GPR161: variants seen among roughly 807,000 people sequenced by gnomAD.
GPR161 encodes G protein-coupled receptor 161.
A neutral mutation model predicts 39.2 loss-of-function variants in GPR161; 25 were observed. That is an observed-to-expected ratio of 0.64 (90% CI 0.47 to 0.89). The LOEUF (loss-of-function observed/expected upper bound fraction) is 0.89. GPR161 is among the 40% of genes least tolerant of loss of function. The pLI is 0.00. For synonymous variants in GPR161, 286 were observed against 276.6 expected (o/e 1.03, Z -0.34); for missense variants, 547 against 677.8 (o/e 0.81, Z 2.14).
In GPR161 at chr1:168,084,640, A is replaced by C. The variant is rs1021336917; in HGVS notation, c.*891T>G. ...TTGGTCACTCAAACATCACACATAG[A>C]ATCTATTTAATGAGGCTTTCCCATG... is the stretch of plus-strand genomic sequence containing the variant. On this transcript the variant is annotated 3_prime_UTR_variant, in exon 6 of 6. Coordinates refer to ENST00000682931, the MANE Select transcript of GPR161 (RefSeq NM_001375883.1). The C allele has an allele frequency of 5.5e-6, 2 of 364,316 alleles. No individual in the cohort carries two copies. The highest frequency in any genetic ancestry group is 2.1e-5 in the African/African-American group (1 of 46,822). 22.6% of individuals were successfully genotyped at this position (364,316 alleles called of 1,614,324 possible). A position where few individuals can be genotyped will look rare whatever the true frequency, so the allele number is the denominator to read the frequency against.
intron 1 of GPR161, among the ~76,000 whole-genome samples, chr1:168,115,192 A>G (rs1697522331): frequency 6.6e-6 from 1 of 152,136 alleles, no homozygotes; most frequent in African/African-American, 2.4e-5. Flanking sequence ...ATGCTGATGA[A>G]AGGACTTAAG....
intron 5 of GPR161, 145 bp downstream of exon 5, chr1:168,087,440 A>ACAGGGCTGGGAGTGGTCTCAC: frequency 7.3e-6 from 7 of 953,786 alleles, no homozygotes; most frequent in Non-Finnish European, 1.1e-5. Flanking sequence ...GGTGAGACCA[A>ACAGGGCTGGGAGTGGTCTCAC]CAGGGCTGGG....
At chr1:168,134,156 AAC>A (rs773907666) in intron 1 of GPR161, among the ~76,000 whole-genome samples, 1 of 152,204 alleles carries the variant, frequency 6.6e-6, no homozygotes, top group Non-Finnish European at 1.5e-5. Context: ...TAGTGCTCTT[AAC>A]ACAGTGTTCT....
At chr1:168,095,537 G>A (rs537715266) in intron 3 of GPR161, among the ~76,000 whole-genome samples, 2 of 152,252 alleles carry the variant, frequency 1.3e-5, no homozygotes, top group South Asian at 4.1e-4. Context: ...AAAGGTGGTG[G>A]GATTGTGTCC....
chr1:168,137,189 C>T, upstream of GPR161: 1 of 1,417,244 alleles, frequency 7.1e-7, no homozygotes, highest in African/African-American at 1.4e-5. Context: ...CCACTTTTCT[C>T]CTGAAAACCT....
chr1:168,131,800 GATTT>G (rs1699010543), intron 1 of GPR161, among the ~76,000 whole-genome samples: 1 of 152,104 alleles, frequency 6.6e-6, no homozygotes, highest in Non-Finnish European at 1.5e-5. Flanking sequence ...AAAGATGTTT[GATTT>G]ATTAACAAGA....
rs112556108 is a variant in GPR161, at chr1:168,106,404, G to A, written c.-44-1510C>T. 8.9e-3 allele frequency among the ~76,000 whole-genome samples: 1,349 copies of A among 152,310 alleles called. 20 individuals are homozygous for A. Among genetic ancestry groups the A allele is most frequent in the African/African-American group, 0.031 (1,287 of 41,554 alleles). ...GAGTTTGAGAGCAAGCCCGGGCAACGTGGCGAAACTGTCTCTACAGAAAAA... is the reference window on the plus strand; with the variant it reads ...GAGTTTGAGAGCAAGCCCGGGCAACATGGCGAAACTGTCTCTACAGAAAAA... On this transcript the variant is annotated intron_variant, in intron 1 of 5. Transcript: ENST00000682931.
chr1:168,103,427 GAA>G (rs373919071), intron 2 of GPR161, among the ~76,000 whole-genome samples: 4 of 117,290 alleles, frequency 3.4e-5, no homozygotes, highest in Non-Finnish European at 5.6e-5. Flanking sequence ...ACTACTCAGG[GAA>G]AAAAAAAAAA....
At position 168,096,655 on chromosome 1, in the gene GPR161, C is replaced by G. The variant is rs1378791189; in HGVS notation, c.952G>C (p.Val318Leu). Residue 318 changes from valine (V) to leucine (L), a missense_variant, in exon 3 of 6, where the codon GTC (valine) becomes CTC (leucine). Transcript: ENST00000682931. ...AGTCCATAGATCAGGGGGTGGCAGACAGCGCTGGCAAAGGACAGCCATGTG... is the reference window on the plus strand; with the variant it reads ...AGTCCATAGATCAGGGGGTGGCAGAGAGCGCTGGCAAAGGACAGCCATGTG... ...WATWLSFASA[V>L]CHPLIYGLWN... The G allele has an allele frequency of 6.2e-7, 1 of 1,614,210 alleles. No homozygotes were observed. Among genetic ancestry groups the G allele is most frequent in the East Asian group, 2.2e-5 (1 of 44,882 alleles).
In GPR161 at chr1:168,087,699, CT is replaced by C; in HGVS notation, c.1209del (p.Asp404IlefsTer2). Reference protein sequence around the residue: ...TGFSCSQDSGTDMMLLEDYTS... With the variant: ...TGFSCSQDSGXDMMLLEDYTS... The stretch of plus-strand genomic sequence containing the variant: ...GTGTAGTCCTCAAGCAGCATCATAT[CT>C]GTCCCTAAAACAACGGGCAGATTGT... On this transcript the variant is annotated frameshift_variant, in exon 5 of 6. Coordinates refer to ENST00000682931, the MANE Select transcript of GPR161 (RefSeq NM_001375883.1). LOFTEE classifies it high-confidence loss of function. The C allele has an allele frequency of 1.9e-6, 3 of 1,611,034 alleles. No homozygotes were observed. Among genetic ancestry groups the C allele is most frequent in the Non-Finnish European group, 2.5e-6 (3 of 1,178,180 alleles).
intron 1 of GPR161, among the ~76,000 whole-genome samples, chr1:168,123,422 C>T (rs879885204): frequency 6.6e-6 from 1 of 152,218 alleles, no homozygotes; most frequent in East Asian, 1.9e-4. Context: ...TGTACCACTA[C>T]ACCCCAGCCT....
chr1:168,098,199 G>A lies in GPR161; in HGVS notation c.375-967C>T, dbSNP rs1695735277. Among the ~76,000 whole-genome samples, 1 of 152,216 alleles carries A rather than the reference G, an allele frequency of 6.6e-6. No homozygotes were observed. Among genetic ancestry groups the A allele is most frequent in the South Asian group, 2.1e-4 (1 of 4,830 alleles). On this transcript the variant is annotated intron_variant, in intron 2 of 5. Transcript: ENST00000682931. This position sits in a 1 kb window ranked among gnomAD's most constrained non-coding sequence, Gnocchi z 4.1. ...TGGCGAGGTATGGAGTTGTGAGTGA[G>A]CACCAGCTCAGCAGGGAGGCTGCAT...
chr1:168,094,805 A>G (rs1301706484), intron 3 of GPR161, among the ~76,000 whole-genome samples: 1 of 152,234 alleles, frequency 6.6e-6, no homozygotes, highest in African/African-American at 2.4e-5. Flanking sequence ...CTAAAAATCC[A>G]GCTACTTGAC....
chr1:168,107,246 C>G (rs1696696677), intron 1 of GPR161, among the ~76,000 whole-genome samples: 1 of 151,698 alleles, frequency 6.6e-6, no homozygotes, highest in Non-Finnish European at 1.5e-5. Context: ...AGATGAAAAC[C>G]CAGAATAAAA....
chr1:168,122,948 G>C (rs1389937544), intron 1 of GPR161, among the ~76,000 whole-genome samples: 1 of 152,210 alleles, frequency 6.6e-6, no homozygotes, highest in Non-Finnish European at 1.5e-5. Flanking sequence ...ACCTAGAAAA[G>C]TGCCTGGCAC....
intron 1 of GPR161, among the ~76,000 whole-genome samples, chr1:168,131,266 T>C (rs1572392808): frequency 6.6e-6 from 1 of 151,146 alleles, no homozygotes. Flanking sequence ...GCCAGACTGA[T>C]TGTCCCCTAC....
intron 1 of GPR161, among the ~76,000 whole-genome samples, chr1:168,107,831 C>A (rs1365518804): frequency 6.6e-6 from 1 of 152,126 alleles, no homozygotes; most frequent in African/African-American, 2.4e-5. Context: ...CAAAGGTTGG[C>A]AGCACTCTCT....
chr1:168,133,415 C>T (rs1370054199), intron 1 of GPR161, among the ~76,000 whole-genome samples: 1 of 152,088 alleles, frequency 6.6e-6, no homozygotes, highest in African/African-American at 2.4e-5. Flanking sequence ...GATAAAGATA[C>T]ACAGAAAATC....
chr1:168,123,380 C>A (rs990118435), intron 1 of GPR161, among the ~76,000 whole-genome samples: 3 of 152,088 alleles, frequency 2.0e-5, no homozygotes, highest in Non-Finnish European at 4.4e-5. Context: ...ATGGCTTGAG[C>A]CCAGAAGGTC....
Sources: gnomAD v4.1 joint callset for allele counts (sites outside exome capture counted in the v4.1 genomes callset) on GRCh38, gnomAD v4.1.1 for gene constraint, Gnocchi (gnomAD v3.1) non-coding constraint, MANE v1.5 for transcripts, NCBI Gene and HGNC (gene_info 2026-07-23, HGNC 2026-07-21) for gene names.